The following KSR1 variants were observed in gnomAD, a reference collection of about 807,000 sequenced individuals.
The protein encoded by KSR1 is kinase suppressor of ras.
Under a neutral mutation model 92.9 loss-of-function variants are expected in KSR1, and 35 were observed. The ratio of observed to expected loss-of-function variants is 0.38; its 90% CI spans 0.29 to 0.50. The LOEUF (loss-of-function observed/expected upper bound fraction) is 0.50. Ranked by LOEUF, KSR1 falls within the 20% of genes least tolerant of loss-of-function variation. The pLI is 0.94. For synonymous variants in KSR1, 467 were observed against 472.6 expected, an observed-to-expected ratio of 0.99 and a Z score of 0.15; for missense variants, 972 against 1,158.5, an observed-to-expected ratio of 0.84 and a Z score of 2.34.
intron 19 of KSR1, among the ~76,000 whole-genome samples, chr17:27,620,501 A>G (rs2074194250): frequency 6.6e-6 from 1 of 152,210 alleles, no homozygotes; most frequent in Non-Finnish European, 1.5e-5. Context: ...TTTAATGTGC[A>G]TGAATGAATG....
At chr17:27,588,024 C>T (rs529181275) in intron 5 of KSR1, among the ~76,000 whole-genome samples, 8 of 152,222 alleles carry the variant, frequency 5.3e-5, no homozygotes, top group Non-Finnish European at 8.8e-5. Flanking sequence ...GATGGGCTGG[C>T]TAGCCTCGGC....
chr17:27,458,830 T>C (rs1294937523), intron 1 of KSR1, among the ~76,000 whole-genome samples: 1 of 152,084 alleles, frequency 6.6e-6, no homozygotes, highest in Non-Finnish European at 1.5e-5. Flanking sequence ...CCAGCTAGTT[T>C]AGATGAGTCA....
chr17:27,477,798 G>A (rs1462822676), intron 1 of KSR1, among the ~76,000 whole-genome samples: 2 of 151,702 alleles, frequency 1.3e-5, no homozygotes, highest in Non-Finnish European at 2.9e-5. Context: ...CTGCTGCCTC[G>A]ATTTCCTAGG....
intron 1 of KSR1, among the ~76,000 whole-genome samples, chr17:27,486,167 T>C (rs1010516862): frequency 1.2e-4 from 19 of 152,248 alleles, no homozygotes; most frequent in African/African-American, 4.6e-4. Context: ...CCATCCTGCT[T>C]TCTTAACTTC....
intron 1 of KSR1, among the ~76,000 whole-genome samples, chr17:27,530,495 G>A (rs550138927): frequency 1.3e-5 from 2 of 152,104 alleles, no homozygotes; most frequent in South Asian, 2.1e-4. Context: ...CAGCAAAGCC[G>A]ACCTTAGTGG....
intron 2 of KSR1, among the ~76,000 whole-genome samples, chr17:27,553,459 C>T (rs1408794727): frequency 2.0e-5 from 3 of 152,218 alleles, no homozygotes; most frequent in African/African-American, 7.2e-5. Flanking sequence ...CCTGACAGAG[C>T]TGGGCCAAGT....
chr17:27,532,928 G>A (rs1306179996), intron 1 of KSR1, among the ~76,000 whole-genome samples: 2 of 152,226 alleles, frequency 1.3e-5, no homozygotes, highest in Non-Finnish European at 2.9e-5. Flanking sequence ...TGGGGCATCA[G>A]CCTCTTATGA....
intron 14 of KSR1, among the ~76,000 whole-genome samples, chr17:27,607,580 C>A (rs1159760306): frequency 6.6e-6 from 1 of 152,178 alleles, no homozygotes; most frequent in Non-Finnish European, 1.5e-5. Context: ...AGTTCTTCCC[C>A]ATCAGAGTGG....
intron 1 of KSR1, among the ~76,000 whole-genome samples, chr17:27,506,476 G>A (rs531619529): frequency 2.0e-5 from 3 of 152,144 alleles, no homozygotes; most frequent in South Asian, 2.1e-4. Flanking sequence ...CCTGATACTC[G>A]ATTATGTGGA....
Position 27,577,405 on chromosome 17 carries a change from A to C in KSR1, c.373-87A>C. ...GCCCAGCCAGCAGCTGGCCCCTGCC[A>C]CTCAGCAGGAGGCCAGCCTGAGGCT... On this transcript the variant is annotated intron_variant, in intron 2 of 20. Coordinates refer to ENST00000644974, the MANE Select transcript of KSR1 (RefSeq NM_001394583.1). The surrounding 1 kb of genome is among the most constrained non-coding windows in gnomAD (Gnocchi z 4.5). The C allele has an allele frequency of 6.6e-5, 52 of 784,980 alleles. No homozygotes were observed. Among genetic ancestry groups the C allele is most frequent in the Non-Finnish European group, 1.0e-4 (51 of 491,872 alleles). 48.6% of individuals were successfully genotyped at this position (784,980 alleles called of 1,614,324 possible).
At chr17:27,623,270 A>C (rs764692841) in intron 20 of KSR1, 44 bp from the exon 21 acceptor site, 1 of 748,082 alleles carries the variant, frequency 1.3e-6, no homozygotes, top group East Asian at 2.5e-5. Context: ...AATTCTGATG[A>C]AGATCAATGG....
intron 1 of KSR1, among the ~76,000 whole-genome samples, chr17:27,491,338 T>C (rs1480143688): frequency 1.6e-5 from 2 of 122,540 alleles, no homozygotes; most frequent in Admixed American, 8.1e-5. Flanking sequence ...TGTGTGTGTG[T>C]GTGTGTGTGT....
intron 1 of KSR1, among the ~76,000 whole-genome samples, chr17:27,541,656 A>G (rs2070972594): frequency 6.6e-6 from 1 of 152,230 alleles, no homozygotes; most frequent in Non-Finnish European, 1.5e-5. Context: ...TGCAGGAGTC[A>G]TTATTTTGAG....
chr17:27,623,699 C>G lies in KSR1; in HGVS notation c.*307C>G. On this transcript the variant is annotated 3_prime_UTR_variant, in exon 21 of 21. Transcript: ENST00000644974. ...AATAAAAACAGTCTGTGCAGATGCA[C>G]TGGCACTGACGGCCAGGATGGCGGA... The G allele has an allele frequency of 1.7e-6, 1 of 571,722 alleles. No individual in the cohort carries two copies. The highest frequency in any genetic ancestry group is 3.0e-6 in the Non-Finnish European group (1 of 329,186). The allele number at this position is 571,722 out of a possible 1,614,324, so 35.4% of individuals were successfully genotyped here.
chr17:27,585,616 G>A (rs750211513), intron 4 of KSR1, 41 bp from the exon 5 acceptor site: 30 of 750,874 alleles, frequency 4.0e-5, no homozygotes, highest in Middle Eastern at 2.3e-4. Flanking sequence ...CCGAGCCAGC[G>A]TGGTGACGTA....
At chr17:27,599,077 A>T (rs1032572552) in intron 10 of KSR1, among the ~76,000 whole-genome samples, 1 of 152,258 alleles carries the variant, frequency 6.6e-6, no homozygotes, top group Non-Finnish European at 1.5e-5. Flanking sequence ...GAGCGCACTT[A>T]CGTAAACCCA....
intron 6 of KSR1, 142 bp downstream of exon 6, chr17:27,588,677 A>G: frequency 1.5e-6 from 1 of 684,686 alleles, no homozygotes; most frequent in Non-Finnish European, 2.2e-6. Context: ...ATGGCCCTGC[A>G]CTTACCTGGA....
chr17:27,586,346 G>C (rs914606539), intron 5 of KSR1, among the ~76,000 whole-genome samples: 4 of 152,226 alleles, frequency 2.6e-5, no homozygotes, highest in Admixed American at 2.0e-4. Context: ...GAAATGCAGA[G>C]ATGTCTGGTT....
chr17:27,511,648 C>CCACAGCCCA (rs1349389639), intron 1 of KSR1, among the ~76,000 whole-genome samples: 6 of 152,142 alleles, frequency 3.9e-5, no homozygotes, highest in Admixed American at 1.3e-4. Flanking sequence ...GCTGAGGTAT[C>CCACAGCCCA]TGCATAGGGA....
Sources: allele counts gnomAD v4.1 joint callset (sites outside exome capture counted in the v4.1 genomes callset), GRCh38; gene constraint gnomAD v4.1.1; non-coding constraint Gnocchi (gnomAD v3.1); transcripts MANE v1.5; gene names NCBI Gene and HGNC (gene_info 2026-07-23, HGNC 2026-07-21).